Variants in PRIMA1 observed in about 807,000 individuals in gnomAD.
The protein encoded by PRIMA1 is proline-rich membrane anchor 1.
Under a neutral mutation model 17.5 loss-of-function variants are expected in PRIMA1, and 7 were observed. That is an observed-to-expected ratio of 0.40 (90% CI 0.23 to 0.75). PRIMA1 has a LOEUF of 0.75. Among genes scored for constraint, PRIMA1 ranks in the 30% least tolerant of loss-of-function variants. PRIMA1 has a pLI of 0.37. For missense variants in PRIMA1, 200 were observed against 201.8 expected (o/e 0.99, Z 0.05); for synonymous variants, 97 against 77.9 (o/e 1.25, Z -1.29).
intron 3 of PRIMA1, among the ~76,000 whole-genome samples, chr14:93,770,603 G>GC (rs1465971242): frequency 2.6e-5 from 4 of 152,146 alleles, no homozygotes; most frequent in Non-Finnish European, 2.9e-5. Context: ...AACCTAGGCA[G>GC]CCCCCCAGTT....
At chr14:93,770,801 A>G (rs1005813211) in intron 3 of PRIMA1, among the ~76,000 whole-genome samples, 1 of 152,180 alleles carries the variant, frequency 6.6e-6, no homozygotes, top group Admixed American at 6.5e-5. Flanking sequence ...CTAGATTCCC[A>G]GCACCTAGTA....
intron 3 of PRIMA1, among the ~76,000 whole-genome samples, chr14:93,762,658 C>T (rs966217077): frequency 6.6e-6 from 1 of 152,162 alleles, no homozygotes; most frequent in Non-Finnish European, 1.5e-5. Flanking sequence ...GCCCTGACCC[C>T]CACAGTCTCA....
At chr14:93,766,656 A>G (rs995871997) in intron 3 of PRIMA1, among the ~76,000 whole-genome samples, 2 of 152,046 alleles carry the variant, frequency 1.3e-5, no homozygotes, top group Non-Finnish European at 2.9e-5. Context: ...AATTCAACAA[A>G]CCTTTGGTAA....
chr14:93,748,590 T>C (rs897797493), intron 3 of PRIMA1, among the ~76,000 whole-genome samples: 1 of 152,118 alleles, frequency 6.6e-6, no homozygotes, highest in Non-Finnish European at 1.5e-5. Context: ...TCTGCCCCCC[T>C]GGCTGGTGGC....
chr14:93,757,602 G>T (rs1320588570), intron 3 of PRIMA1, among the ~76,000 whole-genome samples: 2 of 152,234 alleles, frequency 1.3e-5, no homozygotes, highest in African/African-American at 4.8e-5. Flanking sequence ...ATTGGTCTGT[G>T]GTTGAAGGCC....
intron 3 of PRIMA1, among the ~76,000 whole-genome samples, chr14:93,751,826 C>T (rs1356252984): frequency 3.3e-5 from 5 of 152,202 alleles, no homozygotes; most frequent in African/African-American, 1.2e-4. Flanking sequence ...AAACAATATC[C>T]GTATTGACAG....
At chr14:93,784,576 C>T (rs921008012) in intron 2 of PRIMA1, among the ~76,000 whole-genome samples, 2 of 152,212 alleles carry the variant, frequency 1.3e-5, no homozygotes, top group Non-Finnish European at 2.9e-5. Flanking sequence ...AACTGCAGGA[C>T]ACTATGTTAG....
chr14:93,777,129 A>G (rs1415273096), intron 3 of PRIMA1, among the ~76,000 whole-genome samples: 1 of 152,244 alleles, frequency 6.6e-6, no homozygotes, highest in Admixed American at 6.5e-5. Flanking sequence ...TTTGGTAAAC[A>G]ATGACCCATA....
intron 3 of PRIMA1, among the ~76,000 whole-genome samples, chr14:93,741,655 C>A (rs957442573): frequency 2.6e-5 from 4 of 152,174 alleles, no homozygotes; most frequent in African/African-American, 9.7e-5. Context: ...TCAGGAGTCT[C>A]CGGGGGAAGA....
intron 3 of PRIMA1, 120 bp downstream of exon 3, chr14:93,779,056 C>T (rs1255516924): frequency 2.8e-6 from 2 of 710,056 alleles, no homozygotes; most frequent in Admixed American, 3.1e-5. Context: ...GGCTTCCCTC[C>T]TGCTTGGCCA....
chr14:93,750,762 A>AG (rs2076254623), intron 3 of PRIMA1, among the ~76,000 whole-genome samples: 1 of 152,090 alleles, frequency 6.6e-6, no homozygotes, highest in Non-Finnish European at 1.5e-5. Flanking sequence ...TATACCACAA[A>AG]TTTGTATTTT....
rs576327643 is a variant in PRIMA1, at chr14:93,766,198, C to T, written c.229+12978G>A. Among the ~76,000 whole-genome samples the T allele has an allele frequency of 2.7e-4, 41 of 152,278 alleles. 1 individual carries two copies. The highest frequency in any genetic ancestry group is 2.6e-3 in the Admixed American group (40 of 15,296). On this transcript the variant is annotated intron_variant, in intron 3 of 4. Transcript: ENST00000393140. ...AAACCAATGCCTCCTCATGGTTCAA[C>T]GAAATGAACATGTCCTCAAAGCACC... is the stretch of plus-strand genomic sequence containing the variant.
chr14:93,738,468 G>A (rs924024531), intron 3 of PRIMA1, among the ~76,000 whole-genome samples: 13 of 152,126 alleles, frequency 8.5e-5, no homozygotes, highest in Non-Finnish European at 1.3e-4. Context: ...AGGGATGGAC[G>A]GATGGATGGA....
At chr14:93,727,309 G>A (rs754617379) in intron 4 of PRIMA1, among the ~76,000 whole-genome samples, 11 of 152,230 alleles carry the variant, frequency 7.2e-5, no homozygotes, top group Admixed American at 5.9e-4. Flanking sequence ...TCTCACAGGC[G>A]TGACTCTCTC....
At chr14:93,765,614 C>T (rs1335833138) in intron 3 of PRIMA1, among the ~76,000 whole-genome samples, 1 of 152,048 alleles carries the variant, frequency 6.6e-6, no homozygotes, top group African/African-American at 2.4e-5. Context: ...ACAGCTACAG[C>T]ATGGCACCTG....
At chr14:93,741,143 T>C (rs1345588006) in intron 3 of PRIMA1, among the ~76,000 whole-genome samples, 1 of 152,258 alleles carries the variant, frequency 6.6e-6, no homozygotes, top group Non-Finnish European at 1.5e-5. Context: ...AGTGAAGGCA[T>C]ACATCTTGGA....
intron 3 of PRIMA1, among the ~76,000 whole-genome samples, chr14:93,761,332 CAG>C (rs1194240323): frequency 6.6e-6 from 1 of 152,096 alleles, no homozygotes; most frequent in Non-Finnish European, 1.5e-5. Context: ...CCTTGGGCAA[CAG>C]AGCGAGACTC....
intron 3 of PRIMA1, among the ~76,000 whole-genome samples, chr14:93,773,782 G>A (rs772447241): frequency 1.3e-5 from 2 of 152,258 alleles, no homozygotes; most frequent in East Asian, 3.9e-4. Context: ...AGTGGGGGAG[G>A]GAAGTCAGGA....
chr14:93,738,192 C>T lies in PRIMA1; in HGVS notation c.230-822G>A, dbSNP rs187773020. Reference sequence around the variant, plus strand: ...AGGGCCCTCTCTTAGTCACTCAATCCGTGGAGTCCTTGGGGTGAACCTGTC... The same window carrying T: ...AGGGCCCTCTCTTAGTCACTCAATCTGTGGAGTCCTTGGGGTGAACCTGTC... On this transcript the variant is annotated intron_variant, in intron 3 of 4. Coordinates refer to ENST00000393140, the MANE Select transcript of PRIMA1 (RefSeq NM_178013.4). Among the ~76,000 whole-genome samples, 90 of 152,266 alleles carry T rather than the reference C, an allele frequency of 5.9e-4. 1 individual carries two copies. In the East Asian group the frequency reaches 0.015, roughly 26 times the overall value.
Sources: allele counts gnomAD v4.1 joint callset (sites outside exome capture counted in the v4.1 genomes callset), GRCh38; gene constraint gnomAD v4.1.1; transcripts MANE v1.5; gene names NCBI Gene and HGNC (gene_info 2026-07-23, HGNC 2026-07-21).